Variants in MFSD8 observed in about 807,000 individuals in gnomAD.
MFSD8 encodes the protein major facilitator superfamily domain containing 8.
Under a neutral mutation model 66.4 loss-of-function variants are expected in MFSD8, and 55 were observed. That is an observed-to-expected ratio of 0.83 (90% CI 0.67 to 1.04). The LOEUF (loss-of-function observed/expected upper bound fraction) is 1.04. Ranked by LOEUF, MFSD8 falls within the 50% of genes least tolerant of loss-of-function variation. The probability of loss-of-function intolerance (pLI) is 0.00; values close to 1 mark genes in which losing one functional copy is unlikely to be tolerated. For synonymous variants in MFSD8, 202 were observed against 212.8 expected (o/e 0.95, Z 0.44); for missense variants, 550 against 627.6 (o/e 0.88, Z 1.32).
chr4:127,951,508 A>G (rs1578952914), intron 2 of MFSD8, among the ~76,000 whole-genome samples: 1 of 152,092 alleles, frequency 6.6e-6, no homozygotes, highest in Non-Finnish European at 1.5e-5. Flanking sequence ...GATTACAGGC[A>G]TTAGCCACTG....
At position 127,921,608 on chromosome 4, in the gene MFSD8, T is replaced by C. The variant is rs762246290; in HGVS notation, c.1266A>G (p.Ser422=). ...PVIHLAQFLT[S]AVLIGLGYPV... is the part of the protein sequence containing the mutation. ...GATAGCCTAATCCTATTAGCACAGC[T>C]GATGTAAGGAACTGGGCCAGATGAA... Residue 422 remains serine (S), a synonymous_variant, in exon 11 of 12, where the codon TCA becomes TCG. Transcript: ENST00000641686. The C allele has an allele frequency of 1.9e-6, 3 of 1,614,192 alleles. No individual in the cohort carries two copies. The highest frequency in any genetic ancestry group is 2.5e-6 in the Non-Finnish European group (3 of 1,180,034).
At chr4:127,948,933 G>A (rs974307300) in intron 3 of MFSD8, among the ~76,000 whole-genome samples, 1 of 152,162 alleles carries the variant, frequency 6.6e-6, no homozygotes, top group Non-Finnish European at 1.5e-5. Flanking sequence ...CTGGTTTAGG[G>A]TATTCTGTTA....
intron 5 of MFSD8, among the ~76,000 whole-genome samples, chr4:127,941,492 C>T (rs369458450): frequency 1.6e-4 from 25 of 152,048 alleles, no homozygotes; most frequent in East Asian, 3.9e-4. Flanking sequence ...GACAGAGTCT[C>T]GCGCTTGTTG....
At chr4:127,940,136 T>A in intron 5 of MFSD8, 139 bp from the exon 6 acceptor site, 1 of 872,712 alleles carries the variant, frequency 1.1e-6, no homozygotes, top group Middle Eastern at 3.5e-4. Context: ...ACAGATGGAA[T>A]TGGTTCTTGA....
chr4:127,921,539 T>C lies in MFSD8; in HGVS notation c.1335A>G (p.Leu445=), dbSNP rs145518709. 7.4e-6 allele frequency: 12 copies of C among 1,614,108 alleles called. No individual in the cohort carries two copies. In the African/African-American group the frequency reaches 1.6e-4, roughly 22 times the overall value. Residue 445 remains leucine (L), a synonymous_variant, in exon 11 of 12, where the codon CTA becomes CTG. Coordinates refer to ENST00000641686, the MANE Select transcript of MFSD8 (RefSeq NM_001371596.2). ...CCTGGCTTACCTGAGGTTTTGGTCC[T>C]AGAATTTTTGAATATAGAGTATAGG... The part of the protein sequence containing the change: ...LMSYTLYSKI[L]GPKPQGVYMG...
Position 127,941,141 on chromosome 4 carries a change from T to G in MFSD8, c.553+904A>C, listed in dbSNP as rs185050791. Among the ~76,000 whole-genome samples the G allele has an allele frequency of 3.3e-3, 498 of 152,320 alleles. 2 individuals are homozygous for G. The highest frequency in any genetic ancestry group is 3.6e-3 in the Non-Finnish European group (248 of 68,022). ...TCCTCATGTACTTTACAATATAGTA[T>G]TCAAGTTCAATTATTCTACATTTGT... On this transcript the variant is annotated intron_variant, in intron 5 of 11. Coordinates refer to ENST00000641686, the MANE Select transcript of MFSD8 (RefSeq NM_001371596.2).
At position 127,938,597 on chromosome 4, in the gene MFSD8, AAATAAATAAAT is replaced by A. The variant is rs1560744837; in HGVS notation, c.754+175_754+185del. ...AACTCTGTCTCAAAAAAAAAAAAATAAATAAATAAATAAATAAATAAATAAATAAATAAATA... is the reference window on the plus strand; with the variant it reads ...AACTCTGTCTCAAAAAAAAAAAAATAAAATAAATAAATAAATAAATAAATA... On this transcript the variant is annotated intron_variant, in intron 7 of 11. Coordinates refer to ENST00000641686, the MANE Select transcript of MFSD8 (RefSeq NM_001371596.2). 2.2e-3 allele frequency among the ~76,000 whole-genome samples: 222 copies of A among 102,484 alleles called. 4 individuals carry two copies. Among genetic ancestry groups the A allele is most frequent in the Admixed American group, 5.2e-3 (54 of 10,408 alleles). The allele number at this position is 102,484 out of a possible 152,430, so 67.2% of individuals were successfully genotyped here. A position where few individuals can be genotyped will look rare whatever the true frequency, so the allele number is the denominator to read the frequency against.
chr4:127,936,237 A>G lies in MFSD8; in HGVS notation c.754+2546T>C, dbSNP rs1739062555. Among the ~76,000 whole-genome samples the G allele has an allele frequency of 4.0e-5, 6 of 151,728 alleles. No homozygotes were observed. In the South Asian group the frequency reaches 1.2e-3, roughly 32 times the overall value. The stretch of plus-strand genomic sequence containing the variant: ...CAAGCGATTCTCCTGCCTCAGCCTC[A>G]TGAGTAGCTGGGATTACAGGCGCCT... On this transcript the variant is annotated intron_variant, in intron 7 of 11. Transcript: ENST00000641686.
chr4:127,956,818 C>CAAAAA (rs550327079), intron 2 of MFSD8, among the ~76,000 whole-genome samples: 588 of 58,002 alleles, frequency 0.01, 3 homozygotes, highest in Admixed American at 0.036. Flanking sequence ...AACTCCGTCT[C>CAAAAA]AAAAAAAAAA....
chr4:127,932,891 A>AT, intron 8 of MFSD8, 94 bp downstream of exon 8: 1 of 1,179,182 alleles, frequency 8.5e-7, no homozygotes, highest in South Asian at 1.4e-5. Context: ...CTTACATAAG[A>AT]TTTTCAATAA....
chr4:127,962,400 A>G (rs1315575116), intron 1 of MFSD8, among the ~76,000 whole-genome samples: 1 of 152,164 alleles, frequency 6.6e-6, no homozygotes, highest in East Asian at 2.0e-4. Context: ...CCTGGGAGGC[A>G]GAGGTGGCAG....
At chr4:127,920,912 C>G (rs1436953503) in intron 11 of MFSD8, 76 bp from the exon 12 acceptor site, 24 of 1,281,012 alleles carry the variant, frequency 1.9e-5, no homozygotes, top group Non-Finnish European at 2.3e-5. Context: ...ATGGTATTAC[C>G]AAACTACAGC....
intron 1 of MFSD8, among the ~76,000 whole-genome samples, chr4:127,961,230 G>A (rs1353278620): frequency 6.7e-6 from 1 of 150,256 alleles, no homozygotes; most frequent in Non-Finnish European, 1.5e-5. Flanking sequence ...CACTTTACTA[G>A]GGAATATACT....
intron 1 of MFSD8, among the ~76,000 whole-genome samples, chr4:127,964,507 G>T (rs1004541522): frequency 6.6e-6 from 1 of 152,236 alleles, no homozygotes; most frequent in Admixed American, 6.5e-5. Flanking sequence ...GCCCGGGGCC[G>T]GCAGGGCCGG....
At chr4:127,937,436 C>T (rs1560742562) in intron 7 of MFSD8, among the ~76,000 whole-genome samples, 3 of 152,130 alleles carry the variant, frequency 2.0e-5, no homozygotes, top group South Asian at 4.1e-4. Flanking sequence ...ATCTTGATTC[C>T]TCTTTCAACA....
At chr4:127,934,972 A>C (rs945357423) in intron 7 of MFSD8, among the ~76,000 whole-genome samples, 3 of 152,078 alleles carry the variant, frequency 2.0e-5, no homozygotes, top group Non-Finnish European at 4.4e-5. Flanking sequence ...CCTAAGATGC[A>C]GTAAGTTTCT....
rs1043984708 is a variant in MFSD8, at chr4:127,920,794, G to T, written c.1393C>A (p.Arg465=). ...GWLTASGSGA[R]ILGPMFISQV... ...CTGATGAACATAGGCCCAAGAATCC[G>T]GGCTCCACTTCCAGATGCTGTTAAC... is the stretch of plus-strand genomic sequence containing the variant. Residue 465 remains arginine, a synonymous_variant, in exon 12 of 12, where the codon CGG becomes AGG. Coordinates refer to ENST00000641686, the MANE Select transcript of MFSD8 (RefSeq NM_001371596.2). 2 of 1,613,882 alleles carry T rather than the reference G, an allele frequency of 1.2e-6. No homozygotes were observed. The highest frequency in any genetic ancestry group is 2.7e-5 in the African/African-American group (2 of 74,894).
At chr4:127,920,992 C>T in intron 11 of MFSD8, 156 bp from the exon 12 acceptor site, 2 of 680,216 alleles carry the variant, frequency 2.9e-6, no homozygotes, top group Non-Finnish European at 2.4e-6. Flanking sequence ...ATAAATATAG[C>T]ATTTAATATT....
intron 2 of MFSD8, 67 bp downstream of exon 2, chr4:127,957,425 AAAGTAAATG>A (rs1179640456): frequency 5.1e-5 from 53 of 1,030,080 alleles, no homozygotes; most frequent in East Asian, 2.6e-4. Context: ...AGAGGCAATG[AAAGTAAATG>A]AAGTAAATGA....
Sources: gnomAD v4.1 joint callset for allele counts (sites outside exome capture counted in the v4.1 genomes callset) on GRCh38, gnomAD v4.1.1 for gene constraint, MANE v1.5 for transcripts, NCBI Gene and HGNC (gene_info 2026-07-23, HGNC 2026-07-21) for gene names.